The following CENPW variants were observed in gnomAD, a reference collection of about 807,000 sequenced individuals.
The protein encoded by CENPW is centromere protein W.
Under a neutral mutation model 11.1 loss-of-function variants are expected in CENPW, and 3 were observed. The observed-to-expected ratio is 0.27, with a 90% CI of 0.12 to 0.70. The LOEUF is 0.70. Ranked by LOEUF, CENPW falls within the 30% of genes least tolerant of loss-of-function variation. CENPW has a pLI of 0.77. For synonymous variants in CENPW, 38 were observed against 42.0 expected, an observed-to-expected ratio of 0.91 and a Z score of 0.37; for missense variants, 100 against 105.6, an observed-to-expected ratio of 0.95 and a Z score of 0.23.
At chr6:126,412,897 G>A in the CENPW span, among the ~76,000 whole-genome samples, 1 of 152,100 alleles carries the variant, frequency 6.6e-6, no homozygotes, top group East Asian at 1.9e-4. Context: ...CAGAGCTGGG[G>A]TTTGGGAGGG....
chr6:126,463,118 T>C, the CENPW span, among the ~76,000 whole-genome samples: 5 of 152,034 alleles, frequency 3.3e-5, no homozygotes, highest in African/African-American at 9.7e-5. Context: ...CGTGACATTA[T>C]ACAGACACAT....
chr6:126,474,928 C>T, the CENPW span, among the ~76,000 whole-genome samples: 1 of 152,034 alleles, frequency 6.6e-6, no homozygotes, highest in Non-Finnish European at 1.5e-5. Flanking sequence ...TTTTAGGTGC[C>T]TGCTATGAAA....
At chr6:126,439,001 GAT>G in the CENPW span, among the ~76,000 whole-genome samples, 3 of 151,786 alleles carry the variant, frequency 2.0e-5, no homozygotes, top group African/African-American at 7.2e-5. Flanking sequence ...GGCTAGCAAA[GAT>G]ATGTATTTTT....
the CENPW span, among the ~76,000 whole-genome samples, chr6:126,459,705 C>G: frequency 2.0e-5 from 3 of 151,476 alleles, no homozygotes; most frequent in Non-Finnish European, 4.4e-5. Context: ...TTTTCAAGAA[C>G]AAGTCAGTGA....
chr6:126,466,189 A>G, the CENPW span, among the ~76,000 whole-genome samples: 2 of 152,186 alleles, frequency 1.3e-5, no homozygotes, highest in African/African-American at 4.8e-5. Flanking sequence ...ATAATTTTGG[A>G]TCAAGGGAAT....
At chr6:126,435,931 T>G in the CENPW span, among the ~76,000 whole-genome samples, 4 of 151,944 alleles carry the variant, frequency 2.6e-5, no homozygotes, top group Non-Finnish European at 5.9e-5. Context: ...ATTTTTTTAA[T>G]GAAGTAAAAA....
At chr6:126,383,737 A>T in the CENPW span, among the ~76,000 whole-genome samples, 1 of 152,174 alleles carries the variant, frequency 6.6e-6, no homozygotes, top group African/African-American at 2.4e-5. Flanking sequence ...TCCTAAATAT[A>T]TATGCACCCA....
chr6:126,433,488 CTG>C, the CENPW span, among the ~76,000 whole-genome samples: 1 of 152,116 alleles, frequency 6.6e-6, no homozygotes, highest in African/African-American at 2.4e-5. Context: ...TTTTATCAGA[CTG>C]TTGGTATAGT....
the CENPW span, among the ~76,000 whole-genome samples, chr6:126,480,679 T>C: frequency 6.6e-6 from 1 of 152,056 alleles, no homozygotes; most frequent in Non-Finnish European, 1.5e-5. Flanking sequence ...AATTAAGGAA[T>C]GACTCTTTTG....
chr6:126,352,941 CATT>C (rs1262056588), downstream of CENPW, among the ~76,000 whole-genome samples: 1 of 151,974 alleles, frequency 6.6e-6, no homozygotes, highest in Non-Finnish European at 1.5e-5. Context: ...TAACATGCAT[CATT>C]GACTTGTTAT....
chr6:126,382,653 G>A, the CENPW span, among the ~76,000 whole-genome samples: 1 of 152,210 alleles, frequency 6.6e-6, no homozygotes, highest in East Asian at 1.9e-4. Flanking sequence ...GCAATCACAA[G>A]TATTAACAGC....
chr6:126,365,760 G>T, the CENPW span, among the ~76,000 whole-genome samples: 8 of 152,164 alleles, frequency 5.3e-5, no homozygotes, highest in Non-Finnish European at 8.8e-5. Context: ...CGATTTTTCT[G>T]TAACTGGTAA....
chr6:126,382,242 A>AAT, the CENPW span, among the ~76,000 whole-genome samples: 6 of 151,460 alleles, frequency 4.0e-5, no homozygotes, highest in Non-Finnish European at 5.9e-5. Context: ...TCTCAAAAAA[A>AAT]ATATATATAT....
the CENPW span, among the ~76,000 whole-genome samples, chr6:126,376,099 A>G: frequency 6.6e-6 from 1 of 152,108 alleles, no homozygotes; most frequent in Non-Finnish European, 1.5e-5. Context: ...CCCAGTTTTT[A>G]TTTGGCTGTG....
the CENPW span, among the ~76,000 whole-genome samples, chr6:126,424,178 T>C: frequency 6.6e-6 from 1 of 152,144 alleles, no homozygotes; most frequent in Non-Finnish European, 1.5e-5. Flanking sequence ...CTTCAAACTT[T>C]GATGTCCTTT....
At chr6:126,353,453 A>T (rs1324359893), downstream of CENPW, among the ~76,000 whole-genome samples, 1 of 152,034 alleles carries the variant, frequency 6.6e-6, no homozygotes, top group Non-Finnish European at 1.5e-5. Context: ...AGTTAGGCTT[A>T]TAGAGGGTAA....
At chr6:126,472,984 A>T in the CENPW span, among the ~76,000 whole-genome samples, 1 of 152,248 alleles carries the variant, frequency 6.6e-6, no homozygotes, top group African/African-American at 2.4e-5. Flanking sequence ...ACATTATTAG[A>T]CATATAATTA....
At chr6:126,367,678 T>C in the CENPW span, among the ~76,000 whole-genome samples, 2 of 152,164 alleles carry the variant, frequency 1.3e-5, no homozygotes, top group African/African-American at 2.4e-5. Flanking sequence ...GACCTGGTGG[T>C]AGTGAGTTTC....
the CENPW span, among the ~76,000 whole-genome samples, chr6:126,479,956 C>T: frequency 2.6e-5 from 4 of 151,828 alleles, no homozygotes; most frequent in South Asian, 2.1e-4. Flanking sequence ...TAATATATGG[C>T]TTTCCATGTC....
Sources: allele counts gnomAD v4.1 joint callset (sites outside exome capture counted in the v4.1 genomes callset), GRCh38; gene constraint gnomAD v4.1.1; transcripts MANE v1.5; gene names NCBI Gene and HGNC (gene_info 2026-07-23, HGNC 2026-07-21).